Variants in TBC1D12 observed in about 807,000 individuals in gnomAD.
TBC1D12 encodes the protein TBC1 domain family member 12.
TBC1D12 carries 56 observed loss-of-function variants against 86.7 expected under a neutral mutation model. That is an observed-to-expected ratio of 0.65 (90% CI 0.52 to 0.81). The LOEUF (loss-of-function observed/expected upper bound fraction) is 0.81, where lower values mean the gene tolerates loss of function less well. Among genes scored for constraint, TBC1D12 ranks in the 30% least tolerant of loss-of-function variants. The pLI is 0.00. For synonymous variants in TBC1D12, 421 were observed against 411.7 expected (o/e 1.02, Z -0.27); for missense variants, 1,023 against 1,038.8 (o/e 0.98, Z 0.21).
intron 7 of TBC1D12, among the ~76,000 whole-genome samples, 176 bp downstream of exon 7, chr10:94,507,523 A>AG (rs1316267091): frequency 2.6e-5 from 4 of 152,212 alleles, no homozygotes; most frequent in African/African-American, 9.7e-5. Flanking sequence ...TATCATCCTA[A>AG]GACCTCTTAG....
chr10:94,463,312 G>A (rs950236279), intron 2 of TBC1D12, among the ~76,000 whole-genome samples: 4 of 152,170 alleles, frequency 2.6e-5, no homozygotes, highest in Non-Finnish European at 5.9e-5. Flanking sequence ...AGTTACAGAG[G>A]ATGAAAAGTC....
At chr10:94,476,891 A>G (rs2055996598) in intron 3 of TBC1D12, among the ~76,000 whole-genome samples, 1 of 152,046 alleles carries the variant, frequency 6.6e-6, no homozygotes, top group African/African-American at 2.4e-5. Context: ...ATCCTTAAGG[A>G]TTAGGCTTTA....
At chr10:94,499,867 C>T (rs948190591) in intron 5 of TBC1D12, among the ~76,000 whole-genome samples, 1 of 152,158 alleles carries the variant, frequency 6.6e-6, no homozygotes, top group East Asian at 1.9e-4. Context: ...CTAGGGCCTT[C>T]CCACTGTAGA....
intron 2 of TBC1D12, among the ~76,000 whole-genome samples, chr10:94,442,737 A>G (rs565725356): frequency 4.7e-4 from 71 of 152,292 alleles, no homozygotes; most frequent in African/African-American, 1.6e-3. Context: ...TCCTATTTTT[A>G]TCCTTCCCAA....
At position 94,531,214 on chromosome 10, in the gene TBC1D12, A is replaced by G. The variant is rs1212665848; in HGVS notation, c.2013A>G (p.Leu671=). ...DIYLIDWIFT[L]YSKSLPLDLA... is the part of the protein sequence containing the mutation. The stretch of plus-strand genomic sequence containing the variant: ...CCTCTAATTTTAGGATCTTCACACT[A>G]TATAGCAAATCACTACCACTTGATC... Residue 671 remains leucine, a synonymous_variant, in exon 12 of 13, where the codon CTA becomes CTG. Coordinates refer to ENST00000225235, the MANE Select transcript of TBC1D12 (RefSeq NM_015188.2). 5 of 1,613,610 alleles carry G rather than the reference A, an allele frequency of 3.1e-6. No homozygotes were observed. The African/African-American group carries it at 5.3e-5, about 17-fold the overall frequency.
At position 94,419,208 on chromosome 10, in the gene TBC1D12, T is replaced by G. The variant is rs59894598; in HGVS notation, c.971+15624T>G. 2.3e-3 allele frequency among the ~76,000 whole-genome samples: 353 copies of G among 152,300 alleles called. 1 individual carries two copies. The highest frequency in any genetic ancestry group is 8.2e-3 in the African/African-American group (339 of 41,576). The stretch of plus-strand genomic sequence containing the variant: ...TTTTTTGATAGCAAACACATACATC[T>G]TTTATTTATTCTTAAGGATTTGTAC... On this transcript the variant is annotated intron_variant, in intron 1 of 12. Coordinates refer to ENST00000225235, the MANE Select transcript of TBC1D12 (RefSeq NM_015188.2).
chr10:94,407,496 A>G (rs562245683), intron 1 of TBC1D12, among the ~76,000 whole-genome samples: 4 of 152,298 alleles, frequency 2.6e-5, no homozygotes, highest in African/African-American at 9.6e-5. Context: ...AGCCTGGCCA[A>G]TGTGGCGAAA....
chr10:94,501,733 A>G (rs1448528090), intron 6 of TBC1D12, among the ~76,000 whole-genome samples: 1 of 151,626 alleles, frequency 6.6e-6, no homozygotes, highest in Non-Finnish European at 1.5e-5. Flanking sequence ...TTTTTAGTAG[A>G]GATGGGGTTT....
chr10:94,493,260 G>T (rs2056269983), intron 3 of TBC1D12, 105 bp from the exon 4 acceptor site: 1 of 804,818 alleles, frequency 1.2e-6, no homozygotes, highest in Admixed American at 2.5e-5. Context: ...ATGAAATGAG[G>T]TTAGTTTAGA....
chr10:94,426,059 G>A (rs1220623425), intron 1 of TBC1D12, among the ~76,000 whole-genome samples: 1 of 152,010 alleles, frequency 6.6e-6, no homozygotes, highest in African/African-American at 2.4e-5. Flanking sequence ...CTTTTTTGTA[G>A]ATTCTATGAG....
intron 3 of TBC1D12, among the ~76,000 whole-genome samples, chr10:94,492,595 A>G (rs2056260649): frequency 6.6e-6 from 1 of 152,234 alleles, no homozygotes; most frequent in Admixed American, 6.5e-5. Flanking sequence ...ATACAACAAC[A>G]TGAATGATTT....
intron 11 of TBC1D12, among the ~76,000 whole-genome samples, chr10:94,528,714 C>T (rs993796477): frequency 4.0e-5 from 6 of 151,464 alleles, no homozygotes; most frequent in African/African-American, 9.7e-5. Context: ...CCCAGCTACT[C>T]GGGAGGCTGA....
chr10:94,450,526 A>G (rs969913680), intron 2 of TBC1D12, among the ~76,000 whole-genome samples: 11 of 152,144 alleles, frequency 7.2e-5, no homozygotes, highest in African/African-American at 2.7e-4. Context: ...CCACGAGGCT[A>G]GAGAATTGGG....
At chr10:94,457,550 G>A (rs2055646657) in intron 2 of TBC1D12, among the ~76,000 whole-genome samples, 1 of 152,106 alleles carries the variant, frequency 6.6e-6, no homozygotes, top group South Asian at 2.1e-4. Context: ...AAAGTGCTGG[G>A]ATTACAGGCA....
chr10:94,447,919 A>G (rs1026540337), intron 2 of TBC1D12, among the ~76,000 whole-genome samples: 2 of 150,516 alleles, frequency 1.3e-5, no homozygotes, highest in African/African-American at 4.9e-5. Context: ...TGTCAAACTG[A>G]TAATCTCTCA....
intron 11 of TBC1D12, among the ~76,000 whole-genome samples, chr10:94,526,432 GAA>G (rs1288214393): frequency 9.0e-6 from 1 of 110,974 alleles, no homozygotes; most frequent in Non-Finnish European, 1.9e-5. Context: ...CTGTCTCTGA[GAA>G]AAAAAAAAAA....
rs763853711 is a variant in TBC1D12, at chr10:94,474,723, G to A, written c.1151G>A (p.Arg384His). The A allele has an allele frequency of 3.1e-6, 5 of 1,614,038 alleles. No homozygotes were observed. Among genetic ancestry groups the A allele is most frequent in the Non-Finnish European group, 2.5e-6 (3 of 1,180,008 alleles). Reference sequence around the variant, plus strand: ...AAACCACCACCTCAGTCTTCAAGACGCAAGAATTTTGAATTTGAGCCGCTT... The same window carrying A: ...AAACCACCACCTCAGTCTTCAAGACACAAGAATTTTGAATTTGAGCCGCTT... ...TCKPPPQSSRRKNFEFEPLST... is the reference protein window; with the variant it reads ...TCKPPPQSSRHKNFEFEPLST... Residue 384 changes from arginine (R) to histidine (H), a missense_variant, in exon 3 of 13, where the codon CGC becomes CAC. Physicochemically the swap from Arg to His is conservative, Grantham distance 29. Transcript: ENST00000225235.
chr10:94,432,611 CT>C (rs1253118145), intron 1 of TBC1D12, among the ~76,000 whole-genome samples: 1 of 151,990 alleles, frequency 6.6e-6, no homozygotes, highest in African/African-American at 2.4e-5. Context: ...GCTCATATTT[CT>C]TTTATGGAAA....
At chr10:94,520,903 C>T (rs576032911) in intron 9 of TBC1D12, among the ~76,000 whole-genome samples, 140 of 152,240 alleles carry the variant, frequency 9.2e-4, no homozygotes, top group African/African-American at 2.6e-3. Context: ...TCAGGTGATC[C>T]GCCCGCCTCG....
Sources: gnomAD v4.1 joint callset for allele counts (sites outside exome capture counted in the v4.1 genomes callset) on GRCh38, gnomAD v4.1.1 for gene constraint, MANE v1.5 for transcripts, NCBI Gene and HGNC (gene_info 2026-07-23, HGNC 2026-07-21) for gene names.